Variants in TBL1X observed in about 807,000 individuals in gnomAD.
TBL1X encodes the protein F-box-like/WD repeat-containing protein TBL1X.
Under a neutral mutation model 50.7 loss-of-function variants are expected in TBL1X, and 10 were observed. That is an observed-to-expected ratio of 0.20 (90% CI 0.12 to 0.33). The LOEUF (loss-of-function observed/expected upper bound fraction) is 0.33, where lower values mean the gene tolerates loss of function less well. TBL1X is among the 10% of genes least tolerant of loss of function. The pLI, the probability that TBL1X is intolerant of heterozygous loss-of-function variation, is 1.00. For missense variants in TBL1X, 340 were observed against 504.4 expected (o/e 0.67, Z 3.12); for synonymous variants, 190 against 214.7 (o/e 0.88, Z 1.01).
intron 2 of TBL1X, among the ~76,000 whole-genome samples, chrX:9,563,640 T>C (rs774086009): frequency 8.9e-6 from 1 of 112,528 alleles, no homozygotes; most frequent in Non-Finnish European, 1.9e-5. Flanking sequence ...TTAAGTAAAA[T>C]GTAAAATTCA....
chrX:9,499,833 G>A (rs1435404065), intron 1 of TBL1X, among the ~76,000 whole-genome samples: 6 of 109,945 alleles, frequency 5.5e-5, no homozygotes, highest in Non-Finnish European at 9.5e-5. Flanking sequence ...AAAATTAGCC[G>A]GACGTGGTGG....
intron 2 of TBL1X, among the ~76,000 whole-genome samples, chrX:9,618,063 T>C (rs1352267348): frequency 2.7e-5 from 3 of 111,719 alleles, no homozygotes; most frequent in Non-Finnish European, 5.6e-5. Context: ...CAGGATGCCA[T>C]AGGGGGAGCA....
intron 5 of TBL1X, among the ~76,000 whole-genome samples, chrX:9,667,504 G>A (rs1333121651): frequency 8.9e-6 from 1 of 111,932 alleles, no homozygotes; most frequent in Non-Finnish European, 1.9e-5. Context: ...GTTTTAAAAG[G>A]TTTTTGAAAA....
At chrX:9,703,776 G>A (rs2083189933) in intron 12 of TBL1X, among the ~76,000 whole-genome samples, 1 of 112,009 alleles carries the variant, frequency 8.9e-6, no homozygotes, top group Non-Finnish European at 1.9e-5. Context: ...ATCCACATCT[G>A]TAGCTGAGAC....
chrX:9,574,459 G>GAAA (rs376384853), intron 2 of TBL1X, among the ~76,000 whole-genome samples: 16 of 30,109 alleles, frequency 5.3e-4, no homozygotes, highest in East Asian at 2.8e-3. Context: ...TGTCTCAAAT[G>GAAA]AAAAAAAAAA....
intron 12 of TBL1X, among the ~76,000 whole-genome samples, chrX:9,704,571 C>T (rs930615004): frequency 2.7e-5 from 3 of 111,639 alleles, no homozygotes; most frequent in African/African-American, 9.8e-5. Flanking sequence ...ACGCTTGAGA[C>T]GTTTTTATCA....
intron 12 of TBL1X, among the ~76,000 whole-genome samples, chrX:9,702,667 C>T (rs1365272722): frequency 9.1e-6 from 1 of 109,575 alleles, no homozygotes; most frequent in Non-Finnish European, 1.9e-5. Context: ...TTGGTAAGGA[C>T]ATGGTGGCCA....
chrX:9,666,442 A>G (rs943124015), intron 5 of TBL1X, among the ~76,000 whole-genome samples: 1 of 112,046 alleles, frequency 8.9e-6, no homozygotes, highest in African/African-American at 3.3e-5. Context: ...CTAAAAAAAA[A>G]TTGTCAGAAA....
intron 2 of TBL1X, among the ~76,000 whole-genome samples, chrX:9,553,792 T>C (rs1171791587): frequency 8.9e-6 from 1 of 112,457 alleles, no homozygotes; most frequent in African/African-American, 3.2e-5. Flanking sequence ...ATTATGTTTT[T>C]ATAATAATGG....
intron 16 of TBL1X, 88 bp downstream of exon 16, chrX:9,711,864 C>G (rs2083249408): frequency 2.9e-6 from 3 of 1,017,419 alleles, no homozygotes; most frequent in Non-Finnish European, 3.9e-6. Flanking sequence ...GAGCAGTGCC[C>G]CGGAGGGAGT....
chrX:9,654,124 T>C, intron 4 of TBL1X, 91 bp from the exon 5 acceptor site: 1 of 727,508 alleles, frequency 1.4e-6, no homozygotes. Context: ...ATGTGTATAA[T>C]AGCATGGATA....
At chrX:9,527,379 C>T (rs748804583) in intron 2 of TBL1X, among the ~76,000 whole-genome samples, 2 of 111,237 alleles carry the variant, frequency 1.8e-5, no homozygotes, top group African/African-American at 6.6e-5. Context: ...TATTGTAGTA[C>T]GACCTTTTTT....
chrX:9,533,172 G>A (rs1401993717), intron 2 of TBL1X, among the ~76,000 whole-genome samples: 1 of 112,063 alleles, frequency 8.9e-6, no homozygotes, highest in Non-Finnish European at 1.9e-5. Flanking sequence ...AAAACTGTGA[G>A]GGTAAGAGGT....
At chrX:9,691,903 C>A (rs1464395896) in intron 8 of TBL1X, among the ~76,000 whole-genome samples, 192 bp downstream of exon 8, 1 of 112,037 alleles carries the variant, frequency 8.9e-6, no homozygotes, top group Non-Finnish European at 1.9e-5. Context: ...GCCATAGTTC[C>A]AAGTCGTTTT....
intron 1 of TBL1X, among the ~76,000 whole-genome samples, chrX:9,491,328 ATATATATATATTTT>A (rs1381905303): frequency 5.6e-4 from 13 of 23,220 alleles, no homozygotes; most frequent in East Asian, 5.2e-3. Context: ...ATATATATAT[ATATATATATATTTT>A]TTTTTTTTTT....
chrX:9,693,138 C>A lies in TBL1X; in HGVS notation c.892-11C>A. 1 of 1,211,498 alleles carries A rather than the reference C, an allele frequency of 8.3e-7. No individual in the cohort carries two copies. The highest frequency in any genetic ancestry group is 2.2e-5 in the Admixed American group (1 of 45,997). On this transcript the variant is annotated splice_polypyrimidine_tract_variant and intron_variant, in intron 9 of 17. Coordinates refer to ENST00000645353, the MANE Select transcript of TBL1X (RefSeq NM_005647.4). ...TGTTTTTGTGGGGTTTTGTCTCTTT[C>A]TGGCCCTCAGACCAATGGAACACTC...
intron 7 of TBL1X, among the ~76,000 whole-genome samples, chrX:9,691,322 G>T (rs891385881): frequency 9.2e-6 from 1 of 108,891 alleles, no homozygotes; most frequent in African/African-American, 3.4e-5. Context: ...TGTAATCCCA[G>T]CTGCTTGAGA....
intron 2 of TBL1X, among the ~76,000 whole-genome samples, chrX:9,539,492 A>G (rs1204835159): frequency 9.1e-6 from 1 of 109,593 alleles, no homozygotes; most frequent in African/African-American, 3.3e-5. Context: ...GATGATTCCT[A>G]CTCCCCTCTT....
chrX:9,631,713 T>C lies in TBL1X; in HGVS notation c.-130-8560T>C, dbSNP rs1318472565. Among the ~76,000 whole-genome samples, 9 of 113,140 alleles carry C rather than the reference T, an allele frequency of 8.0e-5. No individual in the cohort carries two copies. In the Admixed American group the frequency reaches 8.4e-4, roughly 11 times the overall value. On this transcript the variant is annotated intron_variant, in intron 2 of 17. Transcript: ENST00000645353. ...AAACACCATAATACGTTGTTATTAA[T>C]TTTGTACTAAGAAGTCAATTATATG...
Sources: allele counts gnomAD v4.1 joint callset (sites outside exome capture counted in the v4.1 genomes callset), GRCh38; gene constraint gnomAD v4.1.1; transcripts MANE v1.5; gene names NCBI Gene and HGNC (gene_info 2026-07-23, HGNC 2026-07-21).